The following CFAP77 variants were observed in gnomAD, a reference collection of about 807,000 sequenced individuals.
The protein encoded by CFAP77 is cilia and flagella associated protein 77.
A neutral mutation model predicts 31.1 loss-of-function variants in CFAP77; 25 were observed. The ratio of observed to expected loss-of-function variants is 0.80; its 90% CI spans 0.59 to 1.12. CFAP77 has a LOEUF of 1.12. Ranked by LOEUF, CFAP77 falls within the 50% of genes most tolerant of loss-of-function variation. The pLI is 0.00. For missense variants in CFAP77, 377 were observed against 397.3 expected (o/e 0.95, Z 0.44); for synonymous variants, 151 against 159.9 (o/e 0.94, Z 0.42).
chr9:132,552,287 C>T lies in CFAP77; in HGVS notation c.732+9240C>T, dbSNP rs964536016. Among the ~76,000 whole-genome samples the T allele has an allele frequency of 7.5e-4, 114 of 152,224 alleles. 3 individuals are homozygous for T. The highest frequency in any genetic ancestry group is 4.3e-4 in the African/African-American group (18 of 41,458). On this transcript the variant is annotated intron_variant, in intron 5 of 5. Transcript: ENST00000393216. This position sits in a 1 kb window ranked among gnomAD's most constrained non-coding sequence, Gnocchi z 5.5. ...GCGTGGCACAGGCCTGGCTAGGGGA[C>T]GGTCATGGAGCAACAAAGCCTCTGG... is the stretch of plus-strand genomic sequence containing the variant.
chr9:132,449,693 C>T (rs1004680167), intron 1 of CFAP77, among the ~76,000 whole-genome samples: 1 of 152,136 alleles, frequency 6.6e-6, no homozygotes, highest in Non-Finnish European at 1.5e-5. Context: ...TGGGCAAATA[C>T]CCAGGAACGG....
chr9:132,453,864 T>C (rs1850871890), intron 1 of CFAP77, among the ~76,000 whole-genome samples: 1 of 152,226 alleles, frequency 6.6e-6, no homozygotes, highest in South Asian at 2.1e-4. Flanking sequence ...TTTACAATAC[T>C]TTCTTTTGGA....
intron 3 of CFAP77, among the ~76,000 whole-genome samples, chr9:132,513,884 C>CCT (rs1263112760): frequency 6.6e-6 from 1 of 152,170 alleles, no homozygotes; most frequent in Non-Finnish European, 1.5e-5. Context: ...CTTTCTACCT[C>CCT]CTCTGTGTCA....
chr9:132,556,309 C>T (rs939467875), intron 5 of CFAP77, among the ~76,000 whole-genome samples: 6 of 152,218 alleles, frequency 3.9e-5, no homozygotes, highest in African/African-American at 1.4e-4. Flanking sequence ...GCTGTGACCT[C>T]CCCTGTCCTG....
chr9:132,476,814 C>G (rs922352249), intron 1 of CFAP77, among the ~76,000 whole-genome samples: 2 of 151,152 alleles, frequency 1.3e-5, no homozygotes, highest in African/African-American at 2.5e-5. Flanking sequence ...TGGAATGAGT[C>G]CCCCCTCGGA....
At chr9:132,454,076 A>AT (rs963285534) in intron 1 of CFAP77, among the ~76,000 whole-genome samples, 4 of 152,032 alleles carry the variant, frequency 2.6e-5, no homozygotes, top group South Asian at 4.2e-4. Context: ...ATCGGGGTTC[A>AT]TTTTTTTTGT....
chr9:132,537,794 T>C, intron 4 of CFAP77, 88 bp downstream of exon 4: 1 of 923,744 alleles, frequency 1.1e-6, no homozygotes, highest in Non-Finnish European at 1.7e-6. Flanking sequence ...AGATGACACT[T>C]GTGTATGTTT....
At chr9:132,508,650 G>T (rs566432838) in intron 3 of CFAP77, among the ~76,000 whole-genome samples, 1 of 152,130 alleles carries the variant, frequency 6.6e-6, no homozygotes, top group East Asian at 1.9e-4. Flanking sequence ...TTGGAAGGGG[G>T]CAGTCCTCAT....
chr9:132,433,150 C>G (rs1304714390), intron 1 of CFAP77, among the ~76,000 whole-genome samples: 1 of 152,058 alleles, frequency 6.6e-6, no homozygotes, highest in Non-Finnish European at 1.5e-5. Context: ...ATGTCAGGAC[C>G]CTTGATTCCT....
intron 1 of CFAP77, among the ~76,000 whole-genome samples, chr9:132,437,403 GA>G (rs1336482984): frequency 6.6e-6 from 1 of 152,020 alleles, no homozygotes; most frequent in East Asian, 1.9e-4. Context: ...GACGTGGCAA[GA>G]GGCAAGGCTG....
At chr9:132,432,025 T>C (rs965918151) in intron 1 of CFAP77, among the ~76,000 whole-genome samples, 4 of 152,090 alleles carry the variant, frequency 2.6e-5, no homozygotes, top group African/African-American at 9.7e-5. Context: ...CATAGGCACA[T>C]TGTGAAGAAC....
chr9:132,471,677 A>G (rs1237918692), intron 1 of CFAP77, among the ~76,000 whole-genome samples: 2 of 142,154 alleles, frequency 1.4e-5, no homozygotes, highest in Non-Finnish European at 3.1e-5. Context: ...ATTGTGAGAG[A>G]GGGGGGTTGT....
chr9:132,418,162 C>T (rs1026894043), intron 1 of CFAP77, among the ~76,000 whole-genome samples: 14 of 152,204 alleles, frequency 9.2e-5, no homozygotes, highest in African/African-American at 1.4e-4. Context: ...CAAAGTGGAA[C>T]GAGGCCAGGA....
intron 5 of CFAP77, among the ~76,000 whole-genome samples, chr9:132,561,316 ATT>A (rs111926783): frequency 4.8e-5 from 7 of 144,666 alleles, no homozygotes; most frequent in Admixed American, 2.1e-4. Flanking sequence ...GCCTGTCATT[ATT>A]TTTTTTTTTT....
chr9:132,556,216 C>T (rs745500147), intron 5 of CFAP77, among the ~76,000 whole-genome samples: 2 of 152,172 alleles, frequency 1.3e-5, no homozygotes, highest in Non-Finnish European at 2.9e-5. Flanking sequence ...GCAGGGCCTC[C>T]GTCGACACAG....
intron 3 of CFAP77, among the ~76,000 whole-genome samples, chr9:132,518,048 G>C (rs1428327198): frequency 6.6e-6 from 1 of 152,152 alleles, no homozygotes; most frequent in Non-Finnish European, 1.5e-5. Flanking sequence ...GTTCCTGCCA[G>C]GTTATCAGCA....
intron 1 of CFAP77, among the ~76,000 whole-genome samples, chr9:132,484,827 G>A (rs1851510364): frequency 2.0e-5 from 3 of 151,672 alleles, no homozygotes; most frequent in South Asian, 2.1e-4. Context: ...GGTCATATAG[G>A]GTAATTTCAT....
chr9:132,503,052 G>A (rs1250400123), intron 3 of CFAP77, among the ~76,000 whole-genome samples: 1 of 152,114 alleles, frequency 6.6e-6, no homozygotes, highest in Non-Finnish European at 1.5e-5. Context: ...TCAAATACCA[G>A]GCACATCTCT....
rs370398843 is a variant in CFAP77, at chr9:132,572,340, T to G, written c.733-48T>G. 6 of 1,586,726 alleles carry G rather than the reference T, an allele frequency of 3.8e-6. No individual in the cohort carries two copies. The African/African-American group carries it at 8.1e-5, about 21-fold the overall frequency. On this transcript the variant is annotated intron_variant, in intron 5 of 5. Transcript: ENST00000393216. ...GGCGAGGGGAGCAACTGGAATGAGC[T>G]ACACTGAAGTCTCCCCTCACCCACC... is the stretch of plus-strand genomic sequence containing the variant.
Sources: gnomAD v4.1 joint callset for allele counts (sites outside exome capture counted in the v4.1 genomes callset) on GRCh38, gnomAD v4.1.1 for gene constraint, Gnocchi (gnomAD v3.1) non-coding constraint, MANE v1.5 for transcripts, NCBI Gene and HGNC (gene_info 2026-07-23, HGNC 2026-07-21) for gene names.